SCAI: variants seen among roughly 807,000 people sequenced by gnomAD.
SCAI encodes the protein protein SCAI.
SCAI carries 24 observed loss-of-function variants against 92.2 expected under a neutral mutation model. That is an observed-to-expected ratio of 0.26 (90% CI 0.19 to 0.37). SCAI has a LOEUF of 0.37. Among genes scored for constraint, SCAI ranks in the 10% least tolerant of loss-of-function variants. The pLI, the probability that SCAI is intolerant of heterozygous loss-of-function variation, is 1.00. For missense variants in SCAI, 450 were observed against 736.2 expected (o/e 0.61, Z 4.50); for synonymous variants, 261 against 258.6 (o/e 1.01, Z -0.09).
In SCAI at chr9:124,969,352, G is replaced by GA. The variant is rs201256078; in HGVS notation, c.1674+2017dup. Among the ~76,000 whole-genome samples the GA allele has an allele frequency of 3.3e-3, 503 of 150,814 alleles. 2 individuals are homozygous for GA. Among genetic ancestry groups the GA allele is most frequent in the Non-Finnish European group, 5.7e-3 (385 of 67,672 alleles). On this transcript the variant is annotated intron_variant, in intron 17 of 17. Transcript: ENST00000336505. ...TTTTTTTAACTGTTCAGGCATATTT[G>GA]AAAAAAAAATTTTCCTTACAGAAGT...
chr9:124,972,968 A>G (rs949908814), intron 15 of SCAI, among the ~76,000 whole-genome samples: 1 of 152,224 alleles, frequency 6.6e-6, no homozygotes, highest in African/African-American at 2.4e-5. Context: ...TTTTGATGGT[A>G]CAAGTTGAGT....
intron 9 of SCAI, among the ~76,000 whole-genome samples, chr9:125,006,255 C>T (rs538882592): frequency 6.6e-6 from 1 of 152,308 alleles, no homozygotes; most frequent in South Asian, 2.1e-4. Flanking sequence ...GCAGCTCACA[C>T]CTGTAATCCC....
chr9:125,035,774 T>A (rs1332749435), intron 3 of SCAI, among the ~76,000 whole-genome samples: 1 of 152,086 alleles, frequency 6.6e-6, no homozygotes, highest in African/African-American at 2.4e-5. Context: ...AAATGAATAA[T>A]GGGCCAGGCA....
intron 2 of SCAI, among the ~76,000 whole-genome samples, chr9:125,139,241 C>G (rs1242088973): frequency 1.3e-5 from 2 of 152,054 alleles, no homozygotes; most frequent in Non-Finnish European, 2.9e-5. Flanking sequence ...GGTAAAACCC[C>G]ACCTCTACAA....
At chr9:125,035,866 T>C (rs186778169) in intron 3 of SCAI, among the ~76,000 whole-genome samples, 5 of 152,300 alleles carry the variant, frequency 3.3e-5, no homozygotes, top group East Asian at 1.9e-4. Flanking sequence ...GAGACCAGCA[T>C]GGGCAACGAA....
chr9:125,114,987 G>A (rs961083332), intron 2 of SCAI, among the ~76,000 whole-genome samples: 1 of 151,866 alleles, frequency 6.6e-6, no homozygotes, highest in African/African-American at 2.4e-5. Flanking sequence ...TGGCCAGGCT[G>A]GTCTCGAACT....
At chr9:125,113,799 C>T (rs1296141218) in intron 2 of SCAI, among the ~76,000 whole-genome samples, 3 of 151,392 alleles carry the variant, frequency 2.0e-5, no homozygotes, top group South Asian at 2.1e-4. Context: ...CCCGTCTCTA[C>T]TAAAAATACA....
In SCAI at chr9:124,993,429, A is replaced by C. The variant is rs1040228014; in HGVS notation, c.1326+1505T>G. Among the ~76,000 whole-genome samples the C allele has an allele frequency of 3.9e-5, 6 of 152,326 alleles. No homozygotes were observed. The South Asian group carries it at 8.3e-4, about 21-fold the overall frequency. ...CATGGAGAAACCCCATCTCTGCTAAAAATACTAAAAATTAGCCGGGCATAG... is the reference window on the plus strand; with the variant it reads ...CATGGAGAAACCCCATCTCTGCTAACAATACTAAAAATTAGCCGGGCATAG... On this transcript the variant is annotated intron_variant, in intron 14 of 17. Transcript: ENST00000336505.
At chr9:125,124,837 C>T (rs528644239) in intron 2 of SCAI, among the ~76,000 whole-genome samples, 42 of 152,258 alleles carry the variant, frequency 2.8e-4, no homozygotes, top group South Asian at 8.3e-4. Context: ...GAGTTTAAAG[C>T]CTGGTGAGAG....
chr9:125,035,974 T>C (rs1833187018), intron 3 of SCAI, among the ~76,000 whole-genome samples: 1 of 152,160 alleles, frequency 6.6e-6, no homozygotes, highest in Non-Finnish European at 1.5e-5. Context: ...CTTTCTTTAC[T>C]TCTCTAATAA....
At chr9:125,032,195 A>ATATATATATATATATTTTTT (rs1177865840) in intron 3 of SCAI, among the ~76,000 whole-genome samples, 1 of 99,450 alleles carries the variant, frequency 1.0e-5, no homozygotes, top group Non-Finnish European at 1.8e-5. Context: ...ATATATATAT[A>ATATATATATATATATTTTTT]TTTTTTTTTT....
intron 2 of SCAI, among the ~76,000 whole-genome samples, chr9:125,068,232 G>A (rs1833909726): frequency 1.3e-5 from 2 of 152,182 alleles, no homozygotes; most frequent in Admixed American, 6.5e-5. Flanking sequence ...CAGGCATGGT[G>A]GCTCACACCT....
In SCAI at chr9:124,980,705, G is replaced by A. The variant is rs568275649; in HGVS notation, c.1327-4519C>T. Among the ~76,000 whole-genome samples, 6 of 152,268 alleles carry A rather than the reference G, an allele frequency of 3.9e-5. No individual in the cohort carries two copies. The South Asian group carries it at 1.0e-3, about 26-fold the overall frequency. On this transcript the variant is annotated intron_variant, in intron 14 of 17. Coordinates refer to ENST00000336505, the MANE Select transcript of SCAI (RefSeq NM_001144877.3). The stretch of plus-strand genomic sequence containing the variant: ...TGTATCCTGTGTGACTCCGCTGGAA[G>A]AGGGCCCCTGGAAGTTTGTACTTGG...
intron 17 of SCAI, among the ~76,000 whole-genome samples, chr9:124,958,659 C>T (rs1385137841): frequency 4.6e-5 from 7 of 152,116 alleles, no homozygotes; most frequent in Non-Finnish European, 1.0e-4. Flanking sequence ...GTAATCCCAG[C>T]ACTTTGGGAG....
chr9:125,002,676 G>T (rs1433137845), intron 11 of SCAI, among the ~76,000 whole-genome samples: 3 of 151,474 alleles, frequency 2.0e-5, no homozygotes, highest in Non-Finnish European at 2.9e-5. Flanking sequence ...TAGAGATGGG[G>T]TTTCTCCATG....
intron 9 of SCAI, among the ~76,000 whole-genome samples, chr9:125,004,402 C>T (rs979290253): frequency 5.3e-5 from 8 of 150,360 alleles, no homozygotes; most frequent in African/African-American, 2.0e-4. Context: ...AATCTCAGCT[C>T]ACTGCAACAT....
chr9:124,972,597 G>A (rs1831681336), intron 15 of SCAI, among the ~76,000 whole-genome samples: 1 of 152,156 alleles, frequency 6.6e-6, no homozygotes, highest in African/African-American at 2.4e-5. Flanking sequence ...TTTAAGTACT[G>A]CTGCTCTAGG....
intron 14 of SCAI, among the ~76,000 whole-genome samples, chr9:124,987,799 T>C (rs1832028816): frequency 6.7e-6 from 1 of 150,218 alleles, no homozygotes; most frequent in South Asian, 2.1e-4. Context: ...CTGTCTCTAC[T>C]AAAAAATACA....
At position 125,073,128 on chromosome 9, in the gene SCAI, G is replaced by A. The variant is rs1178937014; in HGVS notation, c.99-17121C>T. Among the ~76,000 whole-genome samples, 45 of 65,968 alleles carry A rather than the reference G, an allele frequency of 6.8e-4. No homozygotes were observed. The East Asian group carries it at 0.01, about 15-fold the overall frequency. 43.3% of individuals were successfully genotyped at this position (65,968 alleles called of 152,430 possible). On this transcript the variant is annotated intron_variant, in intron 2 of 17. Transcript: ENST00000336505. ...TTTTTTTTTTTTTTTTTTTTGAGAC[G>A]GAGTCTCGCTCGGTCGCCCAGGCTG...
Sources: allele counts gnomAD v4.1 joint callset (sites outside exome capture counted in the v4.1 genomes callset), GRCh38; gene constraint gnomAD v4.1.1; transcripts MANE v1.5; gene names NCBI Gene and HGNC (gene_info 2026-07-23, HGNC 2026-07-21).